The following SAMD14 variants were observed in gnomAD, a reference collection of about 807,000 sequenced individuals.
The protein encoded by SAMD14 is sterile alpha motif domain containing 14.
In SAMD14, 27 loss-of-function variants were observed where a neutral mutation model predicts 46.2. The ratio of observed to expected loss-of-function variants is 0.58; its 90% confidence interval spans 0.43 to 0.81. The LOEUF is 0.81. Among genes scored for constraint, SAMD14 ranks in the 30% least tolerant of loss-of-function variants. The pLI is 0.00. For missense variants in SAMD14, 559 were observed against 582.2 expected (o/e 0.96, Z 0.41); for synonymous variants, 241 against 254.3 (o/e 0.95, Z 0.50).
chr17:50,124,779 A>ACACACACACG, intron 2 of SAMD14, 138 bp downstream of exon 2: 1 of 514,756 alleles, frequency 1.9e-6, no homozygotes, highest in Admixed American at 2.8e-5. Context: ...GCGCACACAC[A>ACACACACACG]CACACACACA....
chr17:50,120,768 C>T (rs980350480), intron 2 of SAMD14, among the ~76,000 whole-genome samples: 4 of 152,196 alleles, frequency 2.6e-5, no homozygotes, highest in African/African-American at 7.2e-5. Flanking sequence ...TTCTGCAAGG[C>T]TCTTTCCACA....
intron 2 of SAMD14, among the ~76,000 whole-genome samples, chr17:50,119,559 A>T (rs1911403273): frequency 6.6e-6 from 1 of 152,030 alleles, no homozygotes; most frequent in Non-Finnish European, 1.5e-5. Context: ...CTGAATTCTG[A>T]GTGTGGGCAC....
At chr17:50,118,454 CACAG>C (rs531650995) in intron 2 of SAMD14, 127 bp from the exon 3 acceptor site, 1 of 1,095,492 alleles carries the variant, frequency 9.1e-7, no homozygotes, top group South Asian at 1.5e-5. Flanking sequence ...GTGCTGGGAG[CACAG>C]ACAGATGAAA....
rs531757037 is a variant in SAMD14 at position 50,111,226 on chromosome 17, A to C, written c.*1667T>G. Reference sequence around the variant, plus strand: ...ATCTGTTCAGAACGCCGGATGGCCCAGCACCTGGTGACAGACCTGTTGTCC... The same window carrying C: ...ATCTGTTCAGAACGCCGGATGGCCCCGCACCTGGTGACAGACCTGTTGTCC... On this transcript the variant is annotated 3_prime_UTR_variant, in exon 10 of 10. Transcript: ENST00000330175. The C allele has an allele frequency of 6.6e-5, 10 of 152,438 alleles. No individual in the cohort carries two copies. The highest frequency in any genetic ancestry group is 2.4e-4 in the African/African-American group (10 of 41,596). The allele number at this position is 152,438 out of a possible 1,614,324, so 9.4% of individuals were successfully genotyped here.
intron 2 of SAMD14, among the ~76,000 whole-genome samples, chr17:50,120,142 C>G (rs1911433759): frequency 6.6e-6 from 1 of 152,122 alleles, no homozygotes; most frequent in Non-Finnish European, 1.5e-5. Context: ...ATGACTAGGT[C>G]ATTGTTGAGG....
chr17:50,125,079 C>A, intron 1 of SAMD14, 108 bp from the exon 2 acceptor site: 1 of 967,614 alleles, frequency 1.0e-6, no homozygotes, highest in Non-Finnish European at 1.6e-6. Flanking sequence ...GCCTGTTGGC[C>A]CCTCCCCTTA....
intron 2 of SAMD14, among the ~76,000 whole-genome samples, chr17:50,121,668 G>A (rs990247207): frequency 3.3e-5 from 5 of 152,076 alleles, no homozygotes; most frequent in Non-Finnish European, 5.9e-5. Flanking sequence ...TGAAACTCTC[G>A]CAGAAGGGGT....
chr17:50,128,010 C>T (rs890298224), intron 1 of SAMD14, among the ~76,000 whole-genome samples: 6 of 152,168 alleles, frequency 3.9e-5, no homozygotes, highest in African/African-American at 1.2e-4. Context: ...ATCTCCCCCC[C>T]ACCAATCAGA....
chr17:50,114,739 T>C (rs900762882), intron 7 of SAMD14: 5 of 270,248 alleles, frequency 1.9e-5, no homozygotes, highest in Non-Finnish European at 3.5e-5. Flanking sequence ...ATCTTGTTCA[T>C]CATGGTGTCC....
intron 9 of SAMD14, chr17:50,113,328 C>A: frequency 2.4e-6 from 1 of 414,700 alleles, no homozygotes; most frequent in South Asian, 3.1e-5. Context: ...TGGCCCGGAC[C>A]TGCCCAACCT....
rs1238588578 is a variant in SAMD14, at chr17:50,118,238, G to A, written c.133C>T (p.Arg45Trp). 7 of 1,613,658 alleles carry A rather than the reference G, an allele frequency of 4.3e-6. No homozygotes were observed. The highest frequency in any genetic ancestry group is 1.3e-5 in the African/African-American group (1 of 74,942). Residue 45 changes from arginine to tryptophan, a missense_variant, in exon 3 of 10, where the codon CGG becomes TGG. Physicochemically the swap from Arg to Trp is moderately radical, Grantham distance 101. Transcript: ENST00000330175. Reference protein sequence around the residue: ...AQLLAKGRRHRPSRSRLRDSA... With the variant: ...AQLLAKGRRHWPSRSRLRDSA... ...TCCCGAAGCCTGGAGCGGGATGGCC[G>A]GTGTCTCCGGCCCTTGGCCAACAGT...
rs201742905 is a variant in SAMD14 at position 50,113,938 on chromosome 17, C to T, written c.1084G>A (p.Gly362Arg). ...CTCTGACCCACCTTTAGTTTGCTTC[C>T]GTCCAGCTGCAGCAGCTGCGGCCCG... ...VDGPQLLQLD[G>R]SKLKSLGLSN... is the part of the protein sequence containing the mutation. The change falls in exon 9 of 10, where the codon GGA (glycine) becomes AGA (arginine). Residue 362 changes from glycine (G) to arginine (R), a missense_variant. Gly to Arg is a moderately radical substitution (Grantham distance 125). Coordinates refer to ENST00000330175, the MANE Select transcript of SAMD14 (RefSeq NM_001257359.2). 1.8e-5 allele frequency: 29 copies of T among 1,613,698 alleles called. No homozygotes were observed. Among genetic ancestry groups the T allele is most frequent in the Admixed American group, 3.3e-5 (2 of 60,006 alleles).
intron 2 of SAMD14, among the ~76,000 whole-genome samples, chr17:50,118,835 T>C (rs879895439): frequency 2.6e-5 from 4 of 152,186 alleles, no homozygotes; most frequent in Non-Finnish European, 4.4e-5. Flanking sequence ...ACAGTGTACA[T>C]ACATCATCTC....
chr17:50,112,952 T>C lies in SAMD14; in HGVS notation c.1195A>G (p.Lys399Glu). ...AAEKERKAQEKAARQREKLRR... is the reference protein window; with the variant it reads ...AAEKERKAQEEAARQREKLRR... ...AGCTTCTCCCGCTGCCGCGCAGCCT[T>C]CTCCTGGGCCTTGCGCTCCTTCTCG... is the stretch of plus-strand genomic sequence containing the variant. Residue 399 changes from lysine (K) to glutamate (E), a missense_variant, in exon 10 of 10, where the codon AAG becomes GAG. Lys to Glu is a moderately conservative substitution (Grantham distance 56). Coordinates refer to ENST00000330175, the MANE Select transcript of SAMD14 (RefSeq NM_001257359.2). The C allele has an allele frequency of 6.2e-7, 1 of 1,610,802 alleles. No homozygotes were observed. Among genetic ancestry groups the C allele is most frequent in the Non-Finnish European group, 8.5e-7 (1 of 1,179,968 alleles).
chr17:50,113,330 G>T, intron 9 of SAMD14: 1 of 408,812 alleles, frequency 2.4e-6, no homozygotes, highest in Non-Finnish European at 4.4e-6. Flanking sequence ...GCCCGGACCT[G>T]CCCAACCTCC....
chr17:50,118,907 C>T (rs1911376036), intron 2 of SAMD14, among the ~76,000 whole-genome samples: 1 of 152,226 alleles, frequency 6.6e-6, no homozygotes, highest in South Asian at 2.1e-4. Context: ...GCTGAGCAAA[C>T]TAAAACTCAG....
Position 50,122,756 on chromosome 17 carries a change from T to G in SAMD14, c.43+2161A>C, listed in dbSNP as rs185143082. Among the ~76,000 whole-genome samples, 440 of 152,224 alleles carry G rather than the reference T, an allele frequency of 2.9e-3. 5 individuals are homozygous for G. The highest frequency in any genetic ancestry group is 0.01 in the African/African-American group (419 of 41,520). On this transcript the variant is annotated intron_variant, in intron 2 of 9. Coordinates refer to ENST00000330175, the MANE Select transcript of SAMD14 (RefSeq NM_001257359.2). ...CTGGGTAACCATAAAGAGCCGAGGT[T>G]GCAGAAGGAACAAAAAGAGCATTCT...
At position 50,129,079 on chromosome 17, in the gene SAMD14, C is replaced by T. The variant is rs1444626112; in HGVS notation, c.-13+438G>A. Among the ~76,000 whole-genome samples, 3 of 152,142 alleles carry T rather than the reference C, an allele frequency of 2.0e-5. No individual in the cohort carries two copies. In the East Asian group the frequency reaches 5.8e-4, roughly 29 times the overall value. On this transcript the variant is annotated intron_variant, in intron 1 of 9. Coordinates refer to ENST00000330175, the MANE Select transcript of SAMD14 (RefSeq NM_001257359.2). The surrounding 1 kb of genome is among the most constrained non-coding windows in gnomAD (Gnocchi z 5.6). ...CCATATCGCCGGCCGTCCACTGGCC[C>T]CAGGCTTGGGGTAGTCCTCAGGAGT... is the stretch of plus-strand genomic sequence containing the variant.
At chr17:50,114,945 G>GGCAAGCCCTTTGCTCAGA (rs1911101902) in intron 7 of SAMD14, 2 of 155,024 alleles carry the variant, frequency 1.3e-5, no homozygotes, top group African/African-American at 4.8e-5. Flanking sequence ...CCAGTCTGTG[G>GGCAAGCCCTTTGCTCAGA]GCAAGCCCCT....
Sources: gnomAD v4.1 joint callset for allele counts (sites outside exome capture counted in the v4.1 genomes callset) on GRCh38, gnomAD v4.1.1 for gene constraint, Gnocchi (gnomAD v3.1) non-coding constraint, MANE v1.5 for transcripts, NCBI Gene and HGNC (gene_info 2026-07-23, HGNC 2026-07-21) for gene names.